GABRA4: variants seen among roughly 807,000 people sequenced by gnomAD.
GABRA4 encodes the protein gamma-aminobutyric acid type A receptor subunit alpha4, also known as gamma-aminobutyric acid receptor subunit alpha-4.
A neutral mutation model predicts 49.7 loss-of-function variants in GABRA4; 12 were observed. The observed-to-expected ratio is 0.24, with a 90% CI of 0.15 to 0.39. The LOEUF is 0.39. Among genes scored for constraint, GABRA4 ranks in the 10% least tolerant of loss-of-function variants. The probability of loss-of-function intolerance (pLI) is 1.00; values close to 1 mark genes in which losing one functional copy is unlikely to be tolerated. For synonymous variants in GABRA4, 288 were observed against 240.2 expected, an observed-to-expected ratio of 1.20 and a Z score of -1.84; for missense variants, 506 against 686.0, an observed-to-expected ratio of 0.74 and a Z score of 2.93.
intron 1 of GABRA4, 64 bp from the exon 2 acceptor site, chr4:46,993,010 G>T: frequency 8.2e-7 from 1 of 1,224,462 alleles, no homozygotes; most frequent in Non-Finnish European, 1.2e-6. Context: ...TCAGAGAACA[G>T]GTGCAAACAG....
chr4:46,976,861 T>C (rs28458968), intron 5 of GABRA4, among the ~76,000 whole-genome samples, 200 bp downstream of exon 5: 2,275 of 152,000 alleles, frequency 0.015, 49 homozygotes, highest in African/African-American at 0.052. Context: ...AAATAGGTTT[T>C]TGTTTGTTGT....
At chr4:46,937,192 T>C (rs974763216) in intron 8 of GABRA4, among the ~76,000 whole-genome samples, 2 of 152,204 alleles carry the variant, frequency 1.3e-5, no homozygotes, top group Non-Finnish European at 2.9e-5. Flanking sequence ...TTCTCCATCA[T>C]GTGCGGACGC....
chr4:46,936,989 C>T (rs1258032094), intron 8 of GABRA4, among the ~76,000 whole-genome samples: 1 of 152,164 alleles, frequency 6.6e-6, no homozygotes, highest in Non-Finnish European at 1.5e-5. Context: ...TTACTGTGGA[C>T]TGGAATGTGT....
chr4:46,964,360 GC>G (rs1407102293), intron 8 of GABRA4, among the ~76,000 whole-genome samples: 1 of 151,738 alleles, frequency 6.6e-6, no homozygotes, highest in Non-Finnish European at 1.5e-5. Context: ...GCACAACAGA[GC>G]AACTATAGCC....
At chr4:46,991,192 A>G (rs1286044626) in intron 2 of GABRA4, among the ~76,000 whole-genome samples, 1 of 152,142 alleles carries the variant, frequency 6.6e-6, no homozygotes, top group Non-Finnish European at 1.5e-5. Flanking sequence ...TCTCAAAGAA[A>G]AAAAAAGAAA....
chr4:46,927,114 C>T lies in GABRA4; in HGVS notation c.*1111G>A, dbSNP rs1050236979. ...ATTCTGTGATTCTGATCAAATTCTA[C>T]TCTGTGACTCTGATCAAATTTGCGA... On this transcript the variant is annotated 3_prime_UTR_variant, in exon 9 of 9. Transcript: ENST00000264318. 5 of 152,092 alleles carry T rather than the reference C, an allele frequency of 3.3e-5. No individual in the cohort carries two copies. Among genetic ancestry groups the T allele is most frequent in the Middle Eastern group, 3.4e-3 (1 of 292 alleles). The allele number at this position is 152,092 out of a possible 1,614,324, so 9.4% of individuals were successfully genotyped here. A position where few individuals can be genotyped will look rare whatever the true frequency, so the allele number is the denominator to read the frequency against.
chr4:46,943,189 G>A (rs562802228), intron 8 of GABRA4, among the ~76,000 whole-genome samples: 1 of 152,082 alleles, frequency 6.6e-6, no homozygotes, highest in South Asian at 2.1e-4. Context: ...TAATAAACTT[G>A]ATATATTTGT....
chr4:46,933,668 T>A (rs192660073), intron 8 of GABRA4, among the ~76,000 whole-genome samples: 4 of 152,282 alleles, frequency 2.6e-5, no homozygotes, highest in Admixed American at 2.6e-4. Context: ...CTGGGAAGAA[T>A]ATTCACCCAG....
At chr4:46,951,549 T>C (rs1229784521) in intron 8 of GABRA4, among the ~76,000 whole-genome samples, 1 of 151,896 alleles carries the variant, frequency 6.6e-6, no homozygotes, top group Non-Finnish European at 1.5e-5. Flanking sequence ...GCTTTTTGAA[T>C]ACAGAGTCCT....
chr4:46,969,579 T>A (rs187775391), intron 7 of GABRA4, among the ~76,000 whole-genome samples: 3 of 151,620 alleles, frequency 2.0e-5, no homozygotes, highest in African/African-American at 7.2e-5. Context: ...GGAAACTAAG[T>A]CTGAACAAAA....
At chr4:46,969,514 A>C (rs1722876835) in intron 7 of GABRA4, among the ~76,000 whole-genome samples, 1 of 151,590 alleles carries the variant, frequency 6.6e-6, no homozygotes, top group Non-Finnish European at 1.5e-5. Flanking sequence ...TTAGCAGAGC[A>C]TCCAATAGTA....
chr4:46,953,031 C>T (rs1004768721), intron 8 of GABRA4, among the ~76,000 whole-genome samples: 4 of 152,022 alleles, frequency 2.6e-5, no homozygotes, highest in Non-Finnish European at 5.9e-5. Context: ...AAATATGTGC[C>T]AGATGTGCTG....
rs1255322330 is a variant in GABRA4 at position 46,924,475 on chromosome 4, G to A, written c.*3750C>T. 2 of 151,916 alleles carry A rather than the reference G, an allele frequency of 1.3e-5. No individual in the cohort carries two copies. Among genetic ancestry groups the A allele is most frequent in the African/African-American group, 4.8e-5 (2 of 41,412 alleles). 9.4% of individuals were successfully genotyped at this position (151,916 alleles called of 1,614,324 possible). A position where few individuals can be genotyped will look rare whatever the true frequency, so the allele number is the denominator to read the frequency against. Reference sequence around the variant, plus strand: ...CGGACTGTGACTACCTGCAAGGAAAGGGGCTATTTTTATCTCTGTATATCT... The same window carrying A: ...CGGACTGTGACTACCTGCAAGGAAAAGGGCTATTTTTATCTCTGTATATCT... On this transcript the variant is annotated 3_prime_UTR_variant, in exon 9 of 9. Coordinates refer to ENST00000264318, the MANE Select transcript of GABRA4 (RefSeq NM_000809.4).
chr4:46,959,471 G>A (rs1722487629), intron 8 of GABRA4, among the ~76,000 whole-genome samples: 1 of 151,896 alleles, frequency 6.6e-6, no homozygotes, highest in African/African-American at 2.4e-5. Flanking sequence ...AACCAAATTT[G>A]ATCTTCTTGA....
rs1347998363 is a variant in GABRA4 at position 46,923,419 on chromosome 4, C to G, written c.*4806G>C. The G allele has an allele frequency of 6.6e-6, 1 of 151,964 alleles. No individual in the cohort carries two copies. The highest frequency in any genetic ancestry group is 6.6e-5 in the Admixed American group (1 of 15,234). The allele number at this position is 151,964 out of a possible 1,614,324, so 9.4% of individuals were successfully genotyped here. Reference sequence around the variant, plus strand: ...GGCTTCTACATTTATAAAACTCTGTCTTTTAATCAAGCAATCTACTCTTCT... The same window carrying G: ...GGCTTCTACATTTATAAAACTCTGTGTTTTAATCAAGCAATCTACTCTTCT... On this transcript the variant is annotated 3_prime_UTR_variant, in exon 9 of 9. Transcript: ENST00000264318.
chr4:46,967,377 C>A (rs1446243267), intron 7 of GABRA4, among the ~76,000 whole-genome samples: 1 of 150,378 alleles, frequency 6.6e-6, no homozygotes, highest in Non-Finnish European at 1.5e-5. Flanking sequence ...TGTAATAGGA[C>A]TATTTTTCTT....
chr4:46,969,669 C>A (rs544549867), intron 7 of GABRA4, among the ~76,000 whole-genome samples: 1 of 151,396 alleles, frequency 6.6e-6, no homozygotes. Flanking sequence ...ATATTGAGAA[C>A]GATACATAAC....
Position 46,974,224 on chromosome 4 carries a change from C to T in GABRA4, c.721+8G>A. 1.2e-6 allele frequency: 2 copies of T among 1,609,760 alleles called. No individual in the cohort carries two copies. The highest frequency in any genetic ancestry group is 1.7e-6 in the Non-Finnish European group (2 of 1,177,516). The stretch of plus-strand genomic sequence containing the variant: ...TAGCATGTCGGCTTTAATCATTACA[C>T]ATCTCACCCGTAATTGATTTGATGG... On this transcript the variant is annotated splice_region_variant and intron_variant, in intron 6 of 8. Coordinates refer to ENST00000264318, the MANE Select transcript of GABRA4 (RefSeq NM_000809.4).
rs763187489 is a variant in GABRA4 at position 46,993,401 on chromosome 4, G to T, written c.24C>A (p.Pro8=). 1.2e-6 allele frequency: 2 copies of T among 1,614,162 alleles called. No individual in the cohort carries two copies. Among genetic ancestry groups the T allele is most frequent in the Admixed American group, 1.7e-5 (1 of 60,034 alleles). ...TGACCCCGGCGGACAGAGCGATCGC[G>T]GGTACCTTCTTGGCAGAAACCATCT... MVSAKKV[P]AIALSAGVSF... Residue 8 remains proline, a synonymous_variant, in exon 1 of 9, where the codon CCC becomes CCA. Coordinates refer to ENST00000264318, the MANE Select transcript of GABRA4 (RefSeq NM_000809.4).
Sources: allele counts gnomAD v4.1 joint callset (sites outside exome capture counted in the v4.1 genomes callset), GRCh38; gene constraint gnomAD v4.1.1; transcripts MANE v1.5; gene names NCBI Gene and HGNC (gene_info 2026-07-23, HGNC 2026-07-21).